MIDN: variants seen among roughly 807,000 people sequenced by gnomAD.
MIDN encodes the protein midbrain nucleolar protein.
MIDN carries 26 observed loss-of-function variants against 46.1 expected under a neutral mutation model. The ratio of observed to expected loss-of-function variants is 0.56; its 90% confidence interval spans 0.41 to 0.78. MIDN has a LOEUF of 0.78. MIDN is among the 30% of genes least tolerant of loss of function. The probability of loss-of-function intolerance (pLI) is 0.00; values close to 1 mark genes in which losing one functional copy is unlikely to be tolerated. For synonymous variants in MIDN, 432 were observed against 343.3 expected, an observed-to-expected ratio of 1.26 and a Z score of -2.86; for missense variants, 850 against 771.8, an observed-to-expected ratio of 1.10 and a Z score of -1.20.
In MIDN at chr19:1,254,357, G is replaced by T. The variant is rs375261373; in HGVS notation, c.704G>T (p.Cys235Phe). Reference protein sequence around the residue: ...PSIASPVSSPCRPVSSAARVP... With the variant: ...PSIASPVSSPFRPVSSAARVP... ...ATAGCCTCCCCCGTGTCCTCGCCCT[G>T]CCGGCCGGTGTCCAGTGCCGCCCGA... Residue 235 changes from cysteine to phenylalanine, a missense_variant, in exon 6 of 9, where the codon TGC becomes TTC. By Grantham distance (205) the Cys-to-Phe change is radical. Transcript: ENST00000682408. 10 of 1,561,724 alleles carry T rather than the reference G, an allele frequency of 6.4e-6. No homozygotes were observed. The African/African-American group carries it at 1.2e-4, about 19-fold the overall frequency.
rs775572156 is a variant in MIDN, at chr19:1,257,093, CG to C, written c.1360del (p.Asp454ThrfsTer114). 6.2e-7 allele frequency: 1 copy of C among 1,611,942 alleles called. No individual in the cohort carries two copies. The highest frequency in any genetic ancestry group is 8.5e-7 in the Non-Finnish European group (1 of 1,179,676). On this transcript the variant is annotated frameshift_variant, in exon 9 of 9. Coordinates refer to ENST00000682408, the MANE Select transcript of MIDN (RefSeq NM_001388306.1). LOFTEE classifies it high-confidence loss of function. ...GAAACGGCTCCGTAGAAAGGCCCGG[CG>C]GGACGCGCGGGGTCCGTACCACTGG... ...QQKRLRRKAR[R>X]DARGPYHWSP...
chr19:1,255,635 C>T lies in MIDN; in HGVS notation c.1199C>T (p.Ala400Val). Reference sequence around the variant, plus strand: ...ACTACCTCCTGCGAGAAGCTCACGGCTGCCCCCTCAGCCTCCCTGCTGCAG... The same window carrying T: ...ACTACCTCCTGCGAGAAGCTCACGGTTGCCCCCTCAGCCTCCCTGCTGCAG... ...PRTTSCEKLT[A>V]APSASLLQGQ... The change falls in exon 8 of 9, where the codon GCT becomes GTT. Residue 400 changes from alanine to valine, a missense_variant. Coordinates refer to ENST00000682408, the MANE Select transcript of MIDN (RefSeq NM_001388306.1). The T allele has an allele frequency of 6.2e-7, 1 of 1,605,638 alleles. No individual in the cohort carries two copies. The highest frequency in any genetic ancestry group is 8.5e-7 in the Non-Finnish European group (1 of 1,178,808).
At chr19:1,256,283 A>G (rs779669832) in intron 8 of MIDN, among the ~76,000 whole-genome samples, 11 of 152,182 alleles carry the variant, frequency 7.2e-5, no homozygotes, top group Non-Finnish European at 1.2e-4. Context: ...GGAGATCGAG[A>G]CCATCTTGGC....
intron 2 of MIDN, 53 bp from the exon 3 acceptor site, chr19:1,251,509 C>G (rs927391467): frequency 2.6e-6 from 4 of 1,556,166 alleles, no homozygotes; most frequent in African/African-American, 2.8e-5. Flanking sequence ...CCTCTGCTTC[C>G]GCGTCCCTGT....
rs773637739 is a variant in MIDN at position 1,251,574 on chromosome 19, G to A, written c.246G>A (p.Ser82=). ...TTCCTCCCCCCAGCCGGCTCAGTTC[G>A]GGGAAGCTGCAGGAGTTCGGCGTGG... The part of the protein sequence containing the change: ...ALLHKDTRLS[S]GKLQEFGVGD... The change falls in exon 3 of 9, where the codon TCG becomes TCA. Residue 82 remains serine (S), a synonymous_variant. Coordinates refer to ENST00000682408, the MANE Select transcript of MIDN (RefSeq NM_001388306.1). 6.8e-6 allele frequency: 11 copies of A among 1,607,478 alleles called. No homozygotes were observed. In the Admixed American group the frequency reaches 1.5e-4, roughly 23 times the overall value.
At chr19:1,250,852 C>T (rs2081117338) in intron 2 of MIDN, among the ~76,000 whole-genome samples, 1 of 152,028 alleles carries the variant, frequency 6.6e-6, no homozygotes, top group Admixed American at 6.5e-5. Context: ...GCGTCCGCGC[C>T]GGCTTCCGCA....
intron 1 of MIDN, among the ~76,000 whole-genome samples, 188 bp downstream of exon 1, chr19:1,248,848 C>T (rs933294202): frequency 6.6e-6 from 1 of 152,042 alleles, no homozygotes; most frequent in Non-Finnish European, 1.5e-5. Flanking sequence ...GACCTCAGCC[C>T]CCGCCCCGCC....
intron 4 of MIDN, among the ~76,000 whole-genome samples, chr19:1,252,648 G>A (rs1430072408): frequency 6.6e-6 from 1 of 152,104 alleles, no homozygotes; most frequent in Non-Finnish European, 1.5e-5. Flanking sequence ...ACAGGCCTCA[G>A]CAATCCGCCC....
chr19:1,249,474 CCCGCTCCCGG>C (rs1384511319), intron 1 of MIDN, among the ~76,000 whole-genome samples: 5 of 149,860 alleles, frequency 3.3e-5, no homozygotes, highest in African/African-American at 7.3e-5. Flanking sequence ...CGCGCCCCCT[CCCGCTCCCGG>C]CCGCTCCCTT....
In MIDN at chr19:1,251,641, G is replaced by A; in HGVS notation, c.313G>A (p.Gly105Ser). The change falls in exon 3 of 9, where the codon GGC becomes AGC. Residue 105 changes from glycine (G) to serine (S), a missense_variant. Physicochemically the swap from Gly to Ser is moderately conservative, Grantham distance 56 (BLOSUM62 0). Transcript: ENST00000682408. ...GACCTTGGTACCCACCGTGGAAGCG[G>A]GCCTCATGGTAAATGGCCATGGGGC... is the stretch of plus-strand genomic sequence containing the variant. The part of the protein sequence containing the change: ...KLTLVPTVEA[G>S]LMSQASRPEQ... 6.2e-7 allele frequency: 1 copy of A among 1,609,182 alleles called. No homozygotes were observed. Among genetic ancestry groups the A allele is most frequent in the Non-Finnish European group, 8.5e-7 (1 of 1,178,304 alleles).
At chr19:1,252,588 G>A (rs986798179) in intron 4 of MIDN, among the ~76,000 whole-genome samples, 3 of 151,790 alleles carry the variant, frequency 2.0e-5, no homozygotes, top group Non-Finnish European at 2.9e-5. Flanking sequence ...TCTTGGCTGC[G>A]GCCAAGCCTT....
chr19:1,253,937 C>T lies in MIDN; in HGVS notation c.385-17C>T, dbSNP rs1447741771. 1.5e-5 allele frequency: 21 copies of T among 1,380,940 alleles called. No homozygotes were observed. The highest frequency in any genetic ancestry group is 3.5e-5 in the Admixed American group (1 of 28,234). 85.5% of individuals were successfully genotyped at this position (1,380,940 alleles called of 1,614,324 possible). Reference sequence around the variant, plus strand: ...GGGAGGGGCAGGCCCCCGTCTGACCCGCCTCTGTCCCCACAGCCCCCAGCG... The same window carrying T: ...GGGAGGGGCAGGCCCCCGTCTGACCTGCCTCTGTCCCCACAGCCCCCAGCG... On this transcript the variant is annotated splice_polypyrimidine_tract_variant and intron_variant, in intron 4 of 8. Transcript: ENST00000682408.
At position 1,256,481 on chromosome 19, in the gene MIDN, C is replaced by CAA. The variant is rs562682759; in HGVS notation, c.1259-497_1259-496dup. 5.7e-4 allele frequency among the ~76,000 whole-genome samples: 32 copies of CAA among 56,456 alleles called. No individual in the cohort carries two copies. In the South Asian group the frequency reaches 0.01, roughly 18 times the overall value. 37.0% of individuals were successfully genotyped at this position (56,456 alleles called of 152,430 possible). A position where few individuals can be genotyped will look rare whatever the true frequency, so the allele number is the denominator to read the frequency against. ...TGGGCGACAGAGCGAGACTCCGTCT[C>CAA]AAAAAAAAAAAAAAAAAACCAAGGT... On this transcript the variant is annotated intron_variant, in intron 8 of 8. Coordinates refer to ENST00000682408, the MANE Select transcript of MIDN (RefSeq NM_001388306.1).
At position 1,255,570 on chromosome 19, in the gene MIDN, G is replaced by A; in HGVS notation, c.1134G>A (p.Gln378=). ...TGGCCCAGCTCCGCTGCCACGCCCA[G>A]TGCTCCCCGGCCTCACCGGCCCCCG... The part of the protein sequence containing the change: ...PSLAQLRCHA[Q]CSPASPAPDL... Residue 378 remains glutamine (Q), a synonymous_variant, in exon 8 of 9, where the codon CAG becomes CAA. Transcript: ENST00000682408. 6.2e-7 allele frequency: 1 copy of A among 1,611,766 alleles called. No individual in the cohort carries two copies. Among genetic ancestry groups the A allele is most frequent in the Non-Finnish European group, 8.5e-7 (1 of 1,179,610 alleles).
At position 1,253,980 on chromosome 19, in the gene MIDN, G is replaced by A. The variant is rs2081165457; in HGVS notation, c.411G>A (p.Arg137=). 1 of 1,395,342 alleles carries A rather than the reference G, an allele frequency of 7.2e-7. No homozygotes were observed. The highest frequency in any genetic ancestry group is 9.2e-7 in the Non-Finnish European group (1 of 1,082,712). The allele number at this position is 1,395,342 out of a possible 1,614,324, so 86.4% of individuals were successfully genotyped here. A position where few individuals can be genotyped will look rare whatever the true frequency, so the allele number is the denominator to read the frequency against. Residue 137 remains arginine (R), a synonymous_variant, in exon 5 of 9, where the codon CGG becomes CGA. Coordinates refer to ENST00000682408, the MANE Select transcript of MIDN (RefSeq NM_001388306.1). The part of the protein sequence containing the change: ...TQPPAAPGPG[R]AGGGGFRKYR... ...CCCCAGCGGCGCCCGGGCCGGGCCG[G>A]GCTGGCGGAGGAGGCTTCCGGAAAT... is the stretch of plus-strand genomic sequence containing the variant.
In MIDN at chr19:1,254,426, C is replaced by A; in HGVS notation, c.773C>A (p.Pro258His). The A allele has an allele frequency of 1.3e-6, 2 of 1,566,656 alleles. No individual in the cohort carries two copies. Among genetic ancestry groups the A allele is most frequent in the Non-Finnish European group, 1.7e-6 (2 of 1,163,446 alleles). The change falls in exon 6 of 9, where the codon CCC (proline) becomes CAC (histidine). Residue 258 changes from proline to histidine, a missense_variant. Physicochemically the swap from Pro to His is moderately conservative, Grantham distance 77. Coordinates refer to ENST00000682408, the MANE Select transcript of MIDN (RefSeq NM_001388306.1). ...AGCCCGTCCCCTGCATCTCCCTCGCCCATCACAGCCGGCTCCTTCCGGTCC... is the reference window on the plus strand; with the variant it reads ...AGCCCGTCCCCTGCATCTCCCTCGCACATCACAGCCGGCTCCTTCCGGTCC... The part of the protein sequence containing the change: ...PTSPSPASPS[P>H]ITAGSFRSHA...
In MIDN at chr19:1,255,586, C is replaced by G; in HGVS notation, c.1150C>G (p.Pro384Ala). The G allele has an allele frequency of 1.2e-6, 2 of 1,610,956 alleles. No individual in the cohort carries two copies. The highest frequency in any genetic ancestry group is 1.7e-6 in the Non-Finnish European group (2 of 1,179,396). The change falls in exon 8 of 9, where the codon CCG becomes GCG. Residue 384 changes from proline to alanine, a missense_variant. Coordinates refer to ENST00000682408, the MANE Select transcript of MIDN (RefSeq NM_001388306.1). The stretch of plus-strand genomic sequence containing the variant: ...CCACGCCCAGTGCTCCCCGGCCTCA[C>G]CGGCCCCCGACCTGGCCCCCAGAAC... Reference protein sequence around the residue: ...RCHAQCSPASPAPDLAPRTTS... With the variant: ...RCHAQCSPASAAPDLAPRTTS...
chr19:1,255,489 G>T lies in MIDN; in HGVS notation c.1053G>T (p.Gln351His). 1 of 1,611,190 alleles carries T rather than the reference G, an allele frequency of 6.2e-7. No homozygotes were observed. The highest frequency in any genetic ancestry group is 1.1e-5 in the South Asian group (1 of 90,832). ...RPRRDIGTIL[Q>H]ILNDLLSATR... The stretch of plus-strand genomic sequence containing the variant: ...GGCGTGACATCGGCACCATCCTGCA[G>T]ATCCTGAACGACCTCCTGAGCGCCA... Residue 351 changes from glutamine to histidine, a missense_variant, in exon 8 of 9, where the codon CAG becomes CAT. Physicochemically the swap from Gln to His is conservative, Grantham distance 24. Coordinates refer to ENST00000682408, the MANE Select transcript of MIDN (RefSeq NM_001388306.1).
intron 2 of MIDN, 128 bp downstream of exon 2, chr19:1,250,657 G>C (rs973373959): frequency 1.9e-5 from 6 of 308,606 alleles, no homozygotes; most frequent in Admixed American, 1.2e-4. Context: ...GCGCGCTCTC[G>C]GGCGCCCTCT....
Sources: allele counts gnomAD v4.1 joint callset (sites outside exome capture counted in the v4.1 genomes callset), GRCh38; gene constraint gnomAD v4.1.1; transcripts MANE v1.5; gene names NCBI Gene and HGNC (gene_info 2026-07-23, HGNC 2026-07-21).